Variants in GATAD2B observed in about 807,000 individuals in gnomAD.
GATAD2B encodes transcriptional repressor p66-beta.
Under a neutral mutation model 64.3 loss-of-function variants are expected in GATAD2B, and 8 were observed. That is an observed-to-expected ratio of 0.12 (90% confidence interval 0.07 to 0.22). GATAD2B has a LOEUF of 0.22. Ranked by LOEUF, GATAD2B falls within the 10% of genes least tolerant of loss-of-function variation. The pLI is 1.00. For synonymous variants in GATAD2B, 281 were observed against 271.3 expected (o/e 1.04, Z -0.35); for missense variants, 453 against 752.0 (o/e 0.60, Z 4.65).
At chr1:153,916,952 C>A (rs568000746) in intron 1 of GATAD2B, among the ~76,000 whole-genome samples, 2 of 148,662 alleles carry the variant, frequency 1.3e-5, no homozygotes, top group Non-Finnish European at 3.0e-5. Flanking sequence ...GGATTACAGG[C>A]GCCCACCACC....
rs150043394 is a variant in GATAD2B, at chr1:153,890,126, C to T, written c.-2+32607G>A. ...GGCAGAGGTTGCAGTGAGCCAAGAT[C>T]GCGCCATTGCACTCCAGCCTGGGCA... is the stretch of plus-strand genomic sequence containing the variant. On this transcript the variant is annotated intron_variant, in intron 1 of 10. Coordinates refer to ENST00000368655, the MANE Select transcript of GATAD2B (RefSeq NM_020699.4). Among the ~76,000 whole-genome samples the T allele has an allele frequency of 5.1e-3, 765 of 148,590 alleles. 5 individuals carry two copies. Among genetic ancestry groups the T allele is most frequent in the African/African-American group, 0.014 (558 of 40,224 alleles).
intron 1 of GATAD2B, among the ~76,000 whole-genome samples, chr1:153,851,378 G>T (rs1044870948): frequency 9.9e-5 from 15 of 152,176 alleles, no homozygotes; most frequent in Admixed American, 9.2e-4. Context: ...TTTCCATAGT[G>T]GCCGCTTGTA....
intron 1 of GATAD2B, among the ~76,000 whole-genome samples, chr1:153,866,567 T>C (rs1049886028): frequency 1.3e-5 from 2 of 152,192 alleles, no homozygotes; most frequent in African/African-American, 4.8e-5. Context: ...AGCTATCTAA[T>C]GCTTCCTATT....
intron 1 of GATAD2B, among the ~76,000 whole-genome samples, chr1:153,910,354 A>T (rs757027286): frequency 2.0e-4 from 31 of 152,340 alleles, no homozygotes; most frequent in African/African-American, 7.5e-4. Context: ...ATTCAGTAGA[A>T]ACTGTACTTC....
At chr1:153,839,385 T>C (rs942116258) in intron 1 of GATAD2B, among the ~76,000 whole-genome samples, 5 of 152,102 alleles carry the variant, frequency 3.3e-5, no homozygotes. Context: ...TTAACATATA[T>C]AGGAGTACCT....
Position 153,816,704 on chromosome 1 carries a change from A to C in GATAD2B, c.901-116T>G. The stretch of plus-strand genomic sequence containing the variant: ...TTTGGACTACTTAGCTTCTCCAAAA[A>C]TAGGAGGTGGTCAACTTATTTATTG... On this transcript the variant is annotated intron_variant, in intron 6 of 10. Coordinates refer to ENST00000368655, the MANE Select transcript of GATAD2B (RefSeq NM_020699.4). The surrounding 1 kb of genome is among the most constrained non-coding windows in gnomAD (Gnocchi z 4.9). The C allele has an allele frequency of 1.6e-6, 1 of 636,318 alleles. No individual in the cohort carries two copies. The highest frequency in any genetic ancestry group is 1.9e-5 in the South Asian group (1 of 51,392). The allele number at this position is 636,318 out of a possible 1,614,324, so 39.4% of individuals were successfully genotyped here.
At chr1:153,844,980 C>T (rs1675632900) in intron 1 of GATAD2B, among the ~76,000 whole-genome samples, 1 of 151,160 alleles carries the variant, frequency 6.6e-6, no homozygotes, top group South Asian at 2.1e-4. Flanking sequence ...GAAGAATAAT[C>T]AATCAGAAGA....
intron 6 of GATAD2B, 24 bp downstream of exon 6, chr1:153,817,348 C>A: frequency 6.7e-7 from 1 of 1,503,628 alleles, no homozygotes; most frequent in Non-Finnish European, 8.9e-7. Context: ...TCTGTTTCCA[C>A]ATTAGGGCTC....
chr1:153,821,385 AAATAG>A (rs1674679371), intron 2 of GATAD2B, among the ~76,000 whole-genome samples: 1 of 152,172 alleles, frequency 6.6e-6, no homozygotes, highest in African/African-American at 2.4e-5. Context: ...TTAGGTAAGG[AAATAG>A]AATAGGAGGA....
chr1:153,879,785 A>G (rs12723744), intron 1 of GATAD2B, among the ~76,000 whole-genome samples: 3 of 145,542 alleles, frequency 2.1e-5, no homozygotes, highest in Non-Finnish European at 4.5e-5. Context: ...AAAAAAAAAG[A>G]CATCATACTA....
intron 1 of GATAD2B, among the ~76,000 whole-genome samples, chr1:153,851,258 T>C (rs1477074465): frequency 1.3e-5 from 2 of 152,222 alleles, no homozygotes; most frequent in Admixed American, 1.3e-4. Flanking sequence ...GCTTCATCCA[T>C]GTTGTCACTC....
At chr1:153,917,652 C>A (rs1678314276) in intron 1 of GATAD2B, among the ~76,000 whole-genome samples, 2 of 152,174 alleles carry the variant, frequency 1.3e-5, no homozygotes. Context: ...GCCTCAGCCT[C>A]CCAAAGTGCT....
At chr1:153,886,966 T>A (rs1375891134) in intron 1 of GATAD2B, among the ~76,000 whole-genome samples, 2 of 152,126 alleles carry the variant, frequency 1.3e-5, no homozygotes, top group Non-Finnish European at 2.9e-5. Flanking sequence ...AGCCAAAATT[T>A]GTTTATCTAG....
intron 1 of GATAD2B, among the ~76,000 whole-genome samples, chr1:153,903,217 CAA>C (rs1335057322): frequency 4.8e-5 from 6 of 125,214 alleles, no homozygotes; most frequent in Non-Finnish European, 6.8e-5. Context: ...GACTCCATCT[CAA>C]AAAAAAAAAA....
At chr1:153,865,831 G>A (rs1480480760) in intron 1 of GATAD2B, among the ~76,000 whole-genome samples, 1 of 152,062 alleles carries the variant, frequency 6.6e-6, no homozygotes, top group African/African-American at 2.4e-5. Flanking sequence ...TTAAACCTTA[G>A]AACGGTCTCA....
Position 153,827,977 on chromosome 1 carries a change from G to A in GATAD2B, c.335+36C>T, listed in dbSNP as rs374433014. The A allele has an allele frequency of 1.5e-5, 23 of 1,484,238 alleles. No individual in the cohort carries two copies. The South Asian group carries it at 2.0e-4, about 13-fold the overall frequency. The allele number at this position is 1,484,238 out of a possible 1,614,324, so 91.9% of individuals were successfully genotyped here. A position where few individuals can be genotyped will look rare whatever the true frequency, so the allele number is the denominator to read the frequency against. On this transcript the variant is annotated intron_variant, in intron 2 of 10. Transcript: ENST00000368655. ...TCCATTTTCACAGGCTTTATGAGAC[G>A]ACCCTATCCCTGGAGGCAGCTGAAC...
intron 1 of GATAD2B, among the ~76,000 whole-genome samples, chr1:153,844,859 A>C (rs1675626631): frequency 6.6e-6 from 1 of 151,196 alleles, no homozygotes; most frequent in Non-Finnish European, 1.5e-5. Context: ...ACATGTATAC[A>C]TATGTAACTA....
chr1:153,864,780 TA>T (rs1676422099), intron 1 of GATAD2B, among the ~76,000 whole-genome samples: 1 of 152,122 alleles, frequency 6.6e-6, no homozygotes, highest in African/African-American at 2.4e-5. Context: ...TCAGAAATAC[TA>T]AATACAGCCA....
intron 1 of GATAD2B, among the ~76,000 whole-genome samples, chr1:153,908,562 G>A (rs555581934): frequency 4.6e-5 from 7 of 150,926 alleles, no homozygotes; most frequent in South Asian, 2.1e-4. Context: ...TCCGCCTCCC[G>A]GGTTCCAGCG....
Sources: gnomAD v4.1 joint callset for allele counts (sites outside exome capture counted in the v4.1 genomes callset) on GRCh38, gnomAD v4.1.1 for gene constraint, Gnocchi (gnomAD v3.1) non-coding constraint, MANE v1.5 for transcripts, NCBI Gene and HGNC (gene_info 2026-07-23, HGNC 2026-07-21) for gene names.